The following GPN1 variants were observed in gnomAD, a reference collection of about 807,000 sequenced individuals.
The protein encoded by GPN1 is GPN-loop GTPase 1.
GPN1 carries 44 observed loss-of-function variants against 55.9 expected under a neutral mutation model. The observed-to-expected ratio is 0.79, with a 90% CI of 0.62 to 1.01. The LOEUF (loss-of-function observed/expected upper bound fraction) is 1.01, where lower values mean the gene tolerates loss of function less well. Among genes scored for constraint, GPN1 ranks in the 50% least tolerant of loss-of-function variants. The probability of loss-of-function intolerance (pLI) is 0.00; values close to 1 mark genes in which losing one functional copy is unlikely to be tolerated. For synonymous variants in GPN1, 179 were observed against 162.5 expected (o/e 1.10, Z -0.77); for missense variants, 466 against 462.8 (o/e 1.01, Z -0.06).
At chr2:27,644,464 T>A (rs1452562593) in intron 12 of GPN1, among the ~76,000 whole-genome samples, 1 of 152,180 alleles carries the variant, frequency 6.6e-6, no homozygotes, top group East Asian at 1.9e-4. Context: ...CAAATTGATC[T>A]ATCTTTTATT....
Position 27,635,229 on chromosome 2 carries a change from C to T in GPN1, c.519C>T (p.Ala173=), listed in dbSNP as rs569254787. Reference sequence around the variant, plus strand: ...CCTTCATGTCCAACATGCTCTATGCCTGCAGGTAATTGATTGTTGGTGGGG... The same window carrying T: ...CCTTCATGTCCAACATGCTCTATGCTTGCAGGTAATTGATTGTTGGTGGGG... The part of the protein sequence containing the change: ...PVTFMSNMLY[A]CSILYKTKLP... Residue 173 remains alanine, a synonymous_variant, in exon 7 of 14, where the codon GCC becomes GCT. Transcript: ENST00000610189. 6.6e-7 allele frequency: 1 copy of T among 1,516,050 alleles called. No homozygotes were observed. The highest frequency in any genetic ancestry group is 9.1e-7 in the Non-Finnish European group (1 of 1,093,648). 93.9% of individuals were successfully genotyped at this position (1,516,050 alleles called of 1,614,324 possible).
chr2:27,644,498 T>C (rs1300048066), intron 12 of GPN1, among the ~76,000 whole-genome samples: 1 of 152,112 alleles, frequency 6.6e-6, no homozygotes. Context: ...TAAGTCACAG[T>C]TAGGAAGCCT....
chr2:27,649,264 C>CA (rs200474567), intron 13 of GPN1, among the ~76,000 whole-genome samples: 16,585 of 146,582 alleles, frequency 0.11, 1,019 homozygotes, highest in Non-Finnish European at 0.14. Context: ...AACAAACAAA[C>CA]AAACAAAAAA....
At chr2:27,642,803 G>T (rs538804832) in intron 12 of GPN1, among the ~76,000 whole-genome samples, 1 of 152,100 alleles carries the variant, frequency 6.6e-6, no homozygotes, top group East Asian at 1.9e-4. Context: ...GACCTCAGAT[G>T]ATCCACCCAC....
rs779190485 is a variant in GPN1, at chr2:27,631,916, G to A, written c.312+16G>A. On this transcript the variant is annotated intron_variant, in intron 4 of 13. Transcript: ENST00000610189. ...ATTTGATCAGGTATATCTGTCTTTAGTATATTAATATGGTTGTGTAAAAAT... is the reference window on the plus strand; with the variant it reads ...ATTTGATCAGGTATATCTGTCTTTAATATATTAATATGGTTGTGTAAAAAT... 2 of 1,398,040 alleles carry A rather than the reference G, an allele frequency of 1.4e-6. No homozygotes were observed. The highest frequency in any genetic ancestry group is 2.0e-6 in the Non-Finnish European group (2 of 982,578). The allele number at this position is 1,398,040 out of a possible 1,614,324, so 86.6% of individuals were successfully genotyped here.
In GPN1 at chr2:27,633,252, C is replaced by A. The variant is rs77308950; in HGVS notation, c.350+582C>A. Among the ~76,000 whole-genome samples the A allele has an allele frequency of 5.1e-4, 78 of 152,298 alleles. 2 individuals carry two copies. In the East Asian group the frequency reaches 0.014, roughly 28 times the overall value. ...CTAGCATTCCACATTTCTATATACA[C>A]AGATAGAAGGATGAATGGATAAAAG... On this transcript the variant is annotated intron_variant, in intron 5 of 13. Coordinates refer to ENST00000610189, the MANE Select transcript of GPN1 (RefSeq NM_007266.4).
At chr2:27,642,756 G>GT (rs1400283694) in intron 12 of GPN1, among the ~76,000 whole-genome samples, 1 of 151,706 alleles carries the variant, frequency 6.6e-6, no homozygotes, top group Non-Finnish European at 1.5e-5. Context: ...TAGAGATGGG[G>GT]TTTTTTCCAT....
At position 27,651,178 on chromosome 2, in the gene GPN1, C is replaced by A. The variant is rs146706137; in HGVS notation, c.*978C>A. On this transcript the variant is annotated 3_prime_UTR_variant, in exon 14 of 14. Transcript: ENST00000610189. Reference sequence around the variant, plus strand: ...TACAGTATCTTAAAACAGTACATTTCTTTCAAAGAATTTTATCTCTATGAG... The same window carrying A: ...TACAGTATCTTAAAACAGTACATTTATTTCAAAGAATTTTATCTCTATGAG... 1.4e-4 allele frequency: 22 copies of A among 152,458 alleles called. No individual in the cohort carries two copies. The East Asian group carries it at 4.0e-3, about 27-fold the overall frequency. 9.4% of individuals were successfully genotyped at this position (152,458 alleles called of 1,614,324 possible).
intron 12 of GPN1, among the ~76,000 whole-genome samples, chr2:27,644,250 G>A (rs960184722): frequency 6.6e-6 from 1 of 151,944 alleles, no homozygotes; most frequent in African/African-American, 2.4e-5. Context: ...AATTTTGTGG[G>A]GTGATGCTTT....
chr2:27,635,299 T>TA, intron 7 of GPN1, 65 bp downstream of exon 7: 1 of 653,324 alleles, frequency 1.5e-6, no homozygotes, highest in Non-Finnish European at 2.6e-6. Flanking sequence ...TTCTTCTTCC[T>TA]CTTTTTTTTT....
intron 5 of GPN1, among the ~76,000 whole-genome samples, chr2:27,633,128 G>T (rs7564774): frequency 2.9e-3 from 442 of 152,160 alleles, no homozygotes; most frequent in African/African-American, 0.01. Flanking sequence ...TTTTAAAAAA[G>T]ATAATTTATT....
chr2:27,628,925 C>T (rs927496921), upstream of GPN1: 4 of 1,497,648 alleles, frequency 2.7e-6, 1 homozygote, highest in African/African-American at 4.2e-5. Flanking sequence ...TAAGAAGATG[C>T]CCTGGCAACC....
chr2:27,631,773 C>A, intron 3 of GPN1, 61 bp from the exon 4 acceptor site: 1 of 938,736 alleles, frequency 1.1e-6, no homozygotes, highest in Non-Finnish European at 1.8e-6. Flanking sequence ...TGAATGATAG[C>A]CTAGGTATGA....
At chr2:27,642,034 G>GT (rs1386772578) in intron 11 of GPN1, 2 of 155,894 alleles carry the variant, frequency 1.3e-5, no homozygotes, top group Non-Finnish European at 2.8e-5. Context: ...TGTATCTTTT[G>GT]TTTTTTCATT....
At position 27,643,824 on chromosome 2, in the gene GPN1, CTGGTGA is replaced by C. The variant is rs1161400052; in HGVS notation, c.931+1308_931+1313del. Among the ~76,000 whole-genome samples, 2 of 152,294 alleles carry C rather than the reference CTGGTGA, an allele frequency of 1.3e-5. No individual in the cohort carries two copies. Among genetic ancestry groups the C allele is most frequent in the East Asian group, 3.9e-4 (2 of 5,188 alleles). ...CACGTGATGTTGATTTGTCCCATTACTGGTGATGTTAACTTTGAGTATTTTTATAAA... is the reference window on the plus strand; with the variant it reads ...CACGTGATGTTGATTTGTCCCATTACTGTTAACTTTGAGTATTTTTATAAA... On this transcript the variant is annotated intron_variant, in intron 12 of 13. Coordinates refer to ENST00000610189, the MANE Select transcript of GPN1 (RefSeq NM_007266.4). The surrounding 1 kb of genome is among the most constrained non-coding windows in gnomAD (Gnocchi z 4.0).
At position 27,632,669 on chromosome 2, in the gene GPN1, A is replaced by G; in HGVS notation, c.349A>G (p.Lys117Glu). Residue 117 changes from lysine to glutamate, a missense_variant and splice_region_variant, in exon 5 of 14, where the codon AAA becomes GAA. By Grantham distance (56) the Lys-to-Glu change is moderately conservative (BLOSUM62 1). Transcript: ENST00000610189. Reference protein sequence around the residue: ...KFIEKAQNMSKYVLIDTPGQI... With the variant: ...KFIEKAQNMSEYVLIDTPGQI... ...TATTGAGAAGGCCCAGAACATGTCCAAGTAAGTGATGTCAGTAACACCCAT... is the reference window on the plus strand; with the variant it reads ...TATTGAGAAGGCCCAGAACATGTCCGAGTAAGTGATGTCAGTAACACCCAT... 1.3e-6 allele frequency: 2 copies of G among 1,586,824 alleles called. No individual in the cohort carries two copies. Among genetic ancestry groups the G allele is most frequent in the Non-Finnish European group, 1.7e-6 (2 of 1,155,122 alleles).
intron 12 of GPN1, among the ~76,000 whole-genome samples, chr2:27,645,144 A>C (rs1358272193): frequency 6.6e-6 from 1 of 151,786 alleles, no homozygotes; most frequent in Non-Finnish European, 1.5e-5. Flanking sequence ...GTTTTAAGGA[A>C]ATTTTTAATA....
At chr2:27,633,224 C>T (rs144405725) in intron 5 of GPN1, among the ~76,000 whole-genome samples, 40 of 152,270 alleles carry the variant, frequency 2.6e-4, no homozygotes, top group Middle Eastern at 3.4e-3. Context: ...CATCATTCAG[C>T]GACTAGCATT....
At chr2:27,629,284 G>GA (rs1673432968) in intron 1 of GPN1, 115 bp downstream of exon 1, 1 of 1,416,518 alleles carries the variant, frequency 7.1e-7, no homozygotes. Context: ...CATGGCTTTC[G>GA]GGGGCTTCCC....
Sources: allele counts gnomAD v4.1 joint callset (sites outside exome capture counted in the v4.1 genomes callset), GRCh38; gene constraint gnomAD v4.1.1; non-coding constraint Gnocchi (gnomAD v3.1); transcripts MANE v1.5; gene names NCBI Gene and HGNC (gene_info 2026-07-23, HGNC 2026-07-21).